The following IKZF3 variants were observed in gnomAD, a reference collection of about 807,000 sequenced individuals.
IKZF3 encodes the protein IKAROS family zinc finger 3, also known as zinc finger protein Aiolos.
Under a neutral mutation model 49.0 loss-of-function variants are expected in IKZF3, and 10 were observed. The ratio of observed to expected loss-of-function variants is 0.20; its 90% CI spans 0.13 to 0.35. The LOEUF (loss-of-function observed/expected upper bound fraction) is 0.35. Ranked by LOEUF, IKZF3 falls within the 10% of genes least tolerant of loss-of-function variation. The probability of loss-of-function intolerance (pLI) is 1.00; values close to 1 mark genes in which losing one functional copy is unlikely to be tolerated. For synonymous variants in IKZF3, 209 were observed against 228.2 expected (o/e 0.92, Z 0.76); for missense variants, 498 against 664.8 (o/e 0.75, Z 2.76).
intron 1 of IKZF3, among the ~76,000 whole-genome samples, chr17:39,855,549 C>T (rs1253080100): frequency 6.6e-6 from 1 of 152,142 alleles, no homozygotes; most frequent in East Asian, 1.9e-4. Flanking sequence ...CTATAGAGTC[C>T]TTTGAGAATC....
chr17:39,853,799 C>T (rs1462471549), intron 1 of IKZF3, among the ~76,000 whole-genome samples: 1 of 149,576 alleles, frequency 6.7e-6, no homozygotes, highest in Non-Finnish European at 1.5e-5. Flanking sequence ...CGCACCATTC[C>T]ACTCCAGCCT....
intron 1 of IKZF3, among the ~76,000 whole-genome samples, chr17:39,843,108 A>G (rs2062527716): frequency 6.6e-6 from 1 of 152,224 alleles, no homozygotes; most frequent in African/African-American, 2.4e-5. Flanking sequence ...GGAAAGAGAC[A>G]TGACAACGAA....
At chr17:39,815,659 C>T (rs1277506746) in intron 3 of IKZF3, among the ~76,000 whole-genome samples, 1 of 152,208 alleles carries the variant, frequency 6.6e-6, no homozygotes, top group Non-Finnish European at 1.5e-5. Flanking sequence ...TCCCAGCACT[C>T]ATTGGATGCT....
intron 3 of IKZF3, among the ~76,000 whole-genome samples, chr17:39,815,185 T>G (rs1240473260): frequency 6.6e-6 from 1 of 152,194 alleles, no homozygotes; most frequent in Non-Finnish European, 1.5e-5. Context: ...AACCTTTCCT[T>G]CTATTTTCTA....
Position 39,839,138 on chromosome 17 carries a change from TTTTAA to T in IKZF3, c.8-6992_8-6988del, listed in dbSNP as rs748391669. On this transcript the variant is annotated intron_variant, in intron 1 of 7. Transcript: ENST00000346872. ...GAGCCACCATGCCCAGTCCTTTTTG[TTTTAA>T]TTTTTCTTCTTTTTTTTTTTCGTAT... 5.9e-5 allele frequency among the ~76,000 whole-genome samples: 9 copies of T among 152,232 alleles called. No individual in the cohort carries two copies. In the East Asian group the frequency reaches 7.7e-4, roughly 13 times the overall value.
intron 7 of IKZF3, among the ~76,000 whole-genome samples, chr17:39,767,789 G>A (rs546344273): frequency 7.2e-4 from 110 of 152,232 alleles, no homozygotes; most frequent in African/African-American, 2.2e-3. Flanking sequence ...TTGGCCGGGC[G>A]CGGTGGCTCA....
intron 1 of IKZF3, among the ~76,000 whole-genome samples, chr17:39,833,840 T>C (rs1395495783): frequency 6.6e-6 from 1 of 152,182 alleles, no homozygotes; most frequent in Non-Finnish European, 1.5e-5. Context: ...CCCCTATTAT[T>C]AACATCTTAT....
intron 3 of IKZF3, among the ~76,000 whole-genome samples, chr17:39,826,141 C>G (rs1053009645): frequency 6.6e-6 from 1 of 152,204 alleles, no homozygotes; most frequent in African/African-American, 2.4e-5. Context: ...CTCCCAGGCT[C>G]AAACGATCCT....
At chr17:39,823,924 C>G (rs2061883907) in intron 3 of IKZF3, among the ~76,000 whole-genome samples, 1 of 152,184 alleles carries the variant, frequency 6.6e-6, no homozygotes, top group Admixed American at 6.5e-5. Flanking sequence ...AGGGTAAAAC[C>G]CCCCATGCAG....
chr17:39,857,943 G>C (rs1598234824), intron 1 of IKZF3, among the ~76,000 whole-genome samples: 2 of 146,968 alleles, frequency 1.4e-5, no homozygotes, highest in East Asian at 3.9e-4. Context: ...GCAATGTAGA[G>C]AGACCTCATC....
At position 39,765,696 on chromosome 17, in the gene IKZF3, A is replaced by G; in HGVS notation, c.*94T>C. On this transcript the variant is annotated 3_prime_UTR_variant, in exon 8 of 8. Transcript: ENST00000346872. ...AAAAATGGTATGAAAAGAAGTTTGG[A>G]ACTGAGTATGTTTTGAGAGCAATCT... 1.1e-6 allele frequency: 1 copy of G among 938,910 alleles called. No homozygotes were observed. The highest frequency in any genetic ancestry group is 2.4e-5 in the East Asian group (1 of 41,154). The allele number at this position is 938,910 out of a possible 1,614,324, so 58.2% of individuals were successfully genotyped here.
rs1397799821 is a variant in IKZF3 at position 39,762,389 on chromosome 17, C to G, written c.*3401G>C. 1 of 152,200 alleles carries G rather than the reference C, an allele frequency of 6.6e-6. No homozygotes were observed. Among genetic ancestry groups the G allele is most frequent in the Non-Finnish European group, 1.5e-5 (1 of 68,052 alleles). 9.4% of individuals were successfully genotyped at this position (152,200 alleles called of 1,614,324 possible). On this transcript the variant is annotated 3_prime_UTR_variant, in exon 8 of 8. Coordinates refer to ENST00000346872, the MANE Select transcript of IKZF3 (RefSeq NM_012481.5). Reference sequence around the variant, plus strand: ...CAGAGTTTCCACACATAAATTTTTTCTGGAATTGATGGGCCCCAATCTAGG... The same window carrying G: ...CAGAGTTTCCACACATAAATTTTTTGTGGAATTGATGGGCCCCAATCTAGG...
At chr17:39,802,083 A>G (rs984140176) in intron 3 of IKZF3, among the ~76,000 whole-genome samples, 4 of 151,710 alleles carry the variant, frequency 2.6e-5, no homozygotes, top group Non-Finnish European at 4.4e-5. Flanking sequence ...TTAGCCGGGC[A>G]TGGTGACGGG....
At chr17:39,836,426 C>T (rs1391076519) in intron 1 of IKZF3, among the ~76,000 whole-genome samples, 4 of 151,998 alleles carry the variant, frequency 2.6e-5, no homozygotes, top group Non-Finnish European at 5.9e-5. Flanking sequence ...ATGGTGGAGG[C>T]GGGAGTGGAG....
Position 39,759,470 on chromosome 17 carries a change from T to G in IKZF3, c.*6320A>C, listed in dbSNP as rs2060131909. ...AAACTTGTATCCAATTTATTCAAAC[T>G]GCAAAACCCTGTGTATCTTCATAAC... On this transcript the variant is annotated 3_prime_UTR_variant, in exon 8 of 8. Transcript: ENST00000346872. 6.6e-6 allele frequency: 1 copy of G among 151,864 alleles called. No individual in the cohort carries two copies. Among genetic ancestry groups the G allele is most frequent in the African/African-American group, 2.4e-5 (1 of 41,332 alleles). 9.4% of individuals were successfully genotyped at this position (151,864 alleles called of 1,614,324 possible).
chr17:39,856,052 A>G lies in IKZF3; in HGVS notation c.7+8068T>C, dbSNP rs528668246. ...GTACAATATAACATGTATATTGTATATGTACAATATAACATGTATATTGTA... is the reference window on the plus strand; with the variant it reads ...GTACAATATAACATGTATATTGTATGTGTACAATATAACATGTATATTGTA... On this transcript the variant is annotated intron_variant, in intron 1 of 7. Transcript: ENST00000346872. Among the ~76,000 whole-genome samples, 41 of 134,264 alleles carry G rather than the reference A, an allele frequency of 3.1e-4. No homozygotes were observed. In the South Asian group the frequency reaches 8.9e-3, roughly 29 times the overall value. The allele number at this position is 134,264 out of a possible 152,430, so 88.1% of individuals were successfully genotyped here.
intron 3 of IKZF3, among the ~76,000 whole-genome samples, chr17:39,799,129 G>C (rs2061253254): frequency 6.6e-6 from 1 of 151,978 alleles, no homozygotes; most frequent in Non-Finnish European, 1.5e-5. Context: ...TACTAATCTG[G>C]GGGTGGAGAC....
chr17:39,835,685 C>A, intron 1 of IKZF3: 2 of 460,382 alleles, frequency 4.3e-6, no homozygotes, highest in South Asian at 1.7e-5. Flanking sequence ...CAGATGTGTC[C>A]AAGATCTGGG....
intron 1 of IKZF3, among the ~76,000 whole-genome samples, chr17:39,850,146 ATATATGTATATATAC>A (rs1185270144): frequency 1.4e-4 from 20 of 142,440 alleles, no homozygotes; most frequent in East Asian, 5.9e-4. Flanking sequence ...ATAGCATATT[ATATATGTATATATAC>A]TATATGTATA....
Sources: allele counts gnomAD v4.1 joint callset (sites outside exome capture counted in the v4.1 genomes callset), GRCh38; gene constraint gnomAD v4.1.1; transcripts MANE v1.5; gene names NCBI Gene and HGNC (gene_info 2026-07-23, HGNC 2026-07-21).